Variants in TRPM3 observed in about 807,000 individuals in gnomAD.
TRPM3 encodes the protein transient receptor potential cation channel subfamily M member 3.
Under a neutral mutation model 181.2 loss-of-function variants are expected in TRPM3, and 77 were observed. The observed-to-expected ratio is 0.42, with a 90% confidence interval of 0.35 to 0.51. The LOEUF is 0.51. Among genes scored for constraint, TRPM3 ranks in the 20% least tolerant of loss-of-function variants. The pLI is 0.01. For synonymous variants in TRPM3, 745 were observed against 796.4 expected (o/e 0.94, Z 1.09); for missense variants, 1,759 against 2,196.7 (o/e 0.80, Z 3.98).
At chr9:70,831,295 A>AT (rs1401357118) in intron 5 of TRPM3, among the ~76,000 whole-genome samples, 1 of 152,004 alleles carries the variant, frequency 6.6e-6, no homozygotes, top group East Asian at 1.9e-4. Context: ...AAAATAATGT[A>AT]TTTTAATAAC....
At chr9:70,785,007 A>C (rs1351946145) in intron 6 of TRPM3, among the ~76,000 whole-genome samples, 2 of 152,176 alleles carry the variant, frequency 1.3e-5, no homozygotes, top group Non-Finnish European at 2.9e-5. Context: ...GATTATAGGC[A>C]CGTCCACCAT....
chr9:71,276,396 A>G (rs546949334), intron 1 of TRPM3, among the ~76,000 whole-genome samples: 3 of 152,316 alleles, frequency 2.0e-5, no homozygotes, highest in African/African-American at 7.2e-5. Context: ...GCCATCAGGG[A>G]GTAAAAATTT....
chr9:71,258,649 A>C (rs1281664157), intron 1 of TRPM3, among the ~76,000 whole-genome samples: 1 of 152,222 alleles, frequency 6.6e-6, no homozygotes, highest in African/African-American at 2.4e-5. Context: ...CATTAAATTC[A>C]TATGTTCCTG....
chr9:70,756,021 C>T (rs2077020708), intron 8 of TRPM3, among the ~76,000 whole-genome samples: 1 of 151,892 alleles, frequency 6.6e-6, no homozygotes, highest in African/African-American at 2.4e-5. Context: ...TTAAAAGACA[C>T]AAACTTTGAG....
At chr9:71,070,943 G>A (rs541562563) in intron 1 of TRPM3, among the ~76,000 whole-genome samples, 2 of 152,264 alleles carry the variant, frequency 1.3e-5, no homozygotes, top group East Asian at 3.9e-4. Flanking sequence ...CTCTAAGGTT[G>A]TTACAACCCT....
intron 9 of TRPM3, among the ~76,000 whole-genome samples, chr9:70,671,659 T>G (rs780282003): frequency 2.6e-5 from 4 of 152,232 alleles, no homozygotes; most frequent in Non-Finnish European, 4.4e-5. Flanking sequence ...TCACTTGACC[T>G]AGTTCCAGTT....
intron 1 of TRPM3, among the ~76,000 whole-genome samples, chr9:71,383,263 T>C (rs2092845968): frequency 6.6e-6 from 1 of 152,302 alleles, no homozygotes; most frequent in African/African-American, 2.4e-5. Flanking sequence ...TCTTGACGCG[T>C]TGAAATATGT....
chr9:70,967,578 T>A (rs188388479), intron 1 of TRPM3, among the ~76,000 whole-genome samples: 210 of 152,196 alleles, frequency 1.4e-3, no homozygotes, highest in African/African-American at 5.0e-3. Context: ...GAACTTTTCA[T>A]GTCTATTAGC....
rs1298711797 is a variant in TRPM3 at position 70,649,370 on chromosome 9, G to C, written c.1346-8710C>G. Among the ~76,000 whole-genome samples the C allele has an allele frequency of 3.9e-5, 6 of 152,006 alleles. No individual in the cohort carries two copies. The South Asian group carries it at 8.3e-4, about 21-fold the overall frequency. ...TGCCTGGCTAATTTTTGTATTTTTA[G>C]TAGAGACAGTGTTTTGCCATGTTGG... On this transcript the variant is annotated intron_variant, in intron 9 of 25. Coordinates refer to ENST00000677713, the MANE Select transcript of TRPM3 (RefSeq NM_001366145.2).
Position 71,332,376 on chromosome 9 carries a change from G to GCGCGCGT in TRPM3, c.183+114276_183+114277insACGCGCG, listed in dbSNP as rs2090261288. Among the ~76,000 whole-genome samples, 8 of 142,324 alleles carry GCGCGCGT rather than the reference G, an allele frequency of 5.6e-5. 1 individual carries two copies. The South Asian group carries it at 1.2e-3, about 20-fold the overall frequency. The allele number at this position is 142,324 out of a possible 152,430, so 93.4% of individuals were successfully genotyped here. ...TCTAGGTCAGTGGTTTTCAATGTTGGGTGTGTGTGTGTGTGTGTGTGTGTG... is the reference window on the plus strand; with the variant it reads ...TCTAGGTCAGTGGTTTTCAATGTTGGCGCGCGTGTGTGTGTGTGTGTGTGTGTGTGTG... On this transcript the variant is annotated intron_variant, in intron 1 of 24. Coordinates refer to the TRPM3 transcript ENST00000357533.
At chr9:70,840,996 T>C (rs889885634) in intron 5 of TRPM3, among the ~76,000 whole-genome samples, 4 of 152,192 alleles carry the variant, frequency 2.6e-5, no homozygotes, top group Non-Finnish European at 5.9e-5. Flanking sequence ...CATTTCAAAA[T>C]GACTTTTGAA....
At chr9:71,171,288 T>G (rs2076841396) in intron 1 of TRPM3, among the ~76,000 whole-genome samples, 1 of 152,212 alleles carries the variant, frequency 6.6e-6, no homozygotes. Context: ...TGCCTTGTGA[T>G]ATTCTATTAC....
At chr9:71,052,496 G>C (rs1267065981) in intron 1 of TRPM3, among the ~76,000 whole-genome samples, 1 of 152,134 alleles carries the variant, frequency 6.6e-6, no homozygotes, top group Non-Finnish European at 1.5e-5. Context: ...TGTGTGCAAG[G>C]GGTGTGGAAC....
intron 6 of TRPM3, among the ~76,000 whole-genome samples, chr9:70,789,070 G>GTT (rs1015095646): frequency 6.6e-6 from 1 of 150,648 alleles, no homozygotes; most frequent in African/African-American, 2.4e-5. Context: ...TTTCTTTCTT[G>GTT]TTTTTTTTTC....
At chr9:71,264,931 A>G (rs2083287001) in intron 1 of TRPM3, among the ~76,000 whole-genome samples, 1 of 152,218 alleles carries the variant, frequency 6.6e-6, no homozygotes, top group Non-Finnish European at 1.5e-5. Context: ...AAAAATTCTT[A>G]GAACTGTATT....
chr9:71,251,885 C>T (rs1338340053), intron 1 of TRPM3, among the ~76,000 whole-genome samples: 3 of 152,092 alleles, frequency 2.0e-5, no homozygotes, highest in South Asian at 2.1e-4. Context: ...TGGTAACCAT[C>T]CTTCTACTCT....
At chr9:71,021,527 G>T (rs925569802) in intron 1 of TRPM3, among the ~76,000 whole-genome samples, 1 of 152,094 alleles carries the variant, frequency 6.6e-6, no homozygotes, top group Non-Finnish European at 1.5e-5. Flanking sequence ...AGCACGCTAG[G>T]GAAATGGGTA....
At chr9:71,012,891 T>G (rs2097757264) in intron 1 of TRPM3, among the ~76,000 whole-genome samples, 1 of 152,138 alleles carries the variant, frequency 6.6e-6, no homozygotes, top group African/African-American at 2.4e-5. Flanking sequence ...TTGTTTGATC[T>G]CATTGGCTGA....
chr9:71,193,182 C>G (rs146051993), intron 1 of TRPM3, among the ~76,000 whole-genome samples: 97 of 151,890 alleles, frequency 6.4e-4, no homozygotes, highest in Non-Finnish European at 1.3e-3. Flanking sequence ...CCCATTTTCT[C>G]TATAATGATG....
Sources: gnomAD v4.1 joint callset for allele counts (sites outside exome capture counted in the v4.1 genomes callset) on GRCh38, gnomAD v4.1.1 for gene constraint, MANE v1.5 for transcripts, NCBI Gene and HGNC (gene_info 2026-07-23, HGNC 2026-07-21) for gene names.